Variants in ENPP2 observed in about 807,000 individuals in gnomAD.
The protein encoded by ENPP2 is ectonucleotide pyrophosphatase/phosphodiesterase 2.
In ENPP2, 51 loss-of-function variants were observed where a neutral mutation model predicts 120.2. The ratio of observed to expected loss-of-function variants is 0.42; its 90% CI spans 0.34 to 0.54. ENPP2 has a LOEUF of 0.54. ENPP2 is among the 20% of genes least tolerant of loss of function. The pLI is 0.04. For missense variants in ENPP2, 920 were observed against 1,066.5 expected (o/e 0.86, Z 1.91); for synonymous variants, 365 against 366.4 (o/e 1.00, Z 0.04).
intron 24 of ENPP2, among the ~76,000 whole-genome samples, chr8:119,561,340 C>T (rs545775206): frequency 2.0e-5 from 3 of 152,284 alleles, no homozygotes; most frequent in African/African-American, 7.2e-5. Flanking sequence ...TGTGGGCTGC[C>T]TAGGAATAGT....
At chr8:119,655,777 T>C (rs1011262862) in intron 1 of ENPP2, among the ~76,000 whole-genome samples, 5 of 152,208 alleles carry the variant, frequency 3.3e-5, no homozygotes, top group African/African-American at 1.2e-4. Flanking sequence ...CAAATTTACA[T>C]ACCTAGCACG....
At chr8:119,619,432 AT>A (rs1357260663) in intron 4 of ENPP2, 128 bp from the exon 5 acceptor site, 10 of 576,568 alleles carry the variant, frequency 1.7e-5, no homozygotes, top group Admixed American at 1.4e-4. Flanking sequence ...AAAAAAAAAA[AT>A]TCTGAAAAAA....
chr8:119,571,992 G>A (rs1815032403), intron 19 of ENPP2: 1 of 540,262 alleles, frequency 1.9e-6, no homozygotes, highest in East Asian at 3.0e-5. Context: ...CTCCAGCATT[G>A]CAGTAAATGT....
chr8:119,608,704 T>G (rs996105833), intron 8 of ENPP2, among the ~76,000 whole-genome samples: 2 of 151,324 alleles, frequency 1.3e-5, no homozygotes, highest in African/African-American at 4.8e-5. Flanking sequence ...AGCCATGTAG[T>G]CCTTTGGCAA....
intron 12 of ENPP2, among the ~76,000 whole-genome samples, chr8:119,591,980 T>A (rs75489964): frequency 6.6e-6 from 1 of 152,166 alleles, no homozygotes; most frequent in Non-Finnish European, 1.5e-5. Context: ...TTGAAGTCCA[T>A]CAGGCACTAT....
intron 9 of ENPP2, among the ~76,000 whole-genome samples, chr8:119,604,084 G>GT (rs1356666376): frequency 1.3e-5 from 2 of 150,072 alleles, no homozygotes; most frequent in Non-Finnish European, 3.0e-5. Context: ...CTGGAGTGCA[G>GT]TGACACAATC....
At chr8:119,656,067 A>C (rs1817758168) in intron 1 of ENPP2, among the ~76,000 whole-genome samples, 1 of 152,198 alleles carries the variant, frequency 6.6e-6, no homozygotes, top group East Asian at 1.9e-4. Context: ...TGACTGGTGC[A>C]GCTGGTTTTG....
At chr8:119,628,771 C>A (rs181590148) in intron 2 of ENPP2, among the ~76,000 whole-genome samples, 1 of 152,024 alleles carries the variant, frequency 6.6e-6, no homozygotes, top group Admixed American at 6.6e-5. Flanking sequence ...AAACTAGAGA[C>A]GAGTGAGAGA....
intron 2 of ENPP2, among the ~76,000 whole-genome samples, chr8:119,634,246 T>C (rs1300085977): frequency 1.3e-5 from 2 of 151,662 alleles, no homozygotes; most frequent in Admixed American, 6.6e-5. Flanking sequence ...AATGTCCTCA[T>C]ATAGAGCTCA....
intron 3 of ENPP2, among the ~76,000 whole-genome samples, chr8:119,624,675 C>T (rs1228950920): frequency 5.3e-5 from 8 of 152,074 alleles, no homozygotes; most frequent in Admixed American, 1.3e-4. Flanking sequence ...ATTACATAGC[C>T]ATTCAAAAGG....
chr8:119,581,688 C>T (rs764066087), intron 18 of ENPP2, among the ~76,000 whole-genome samples: 17 of 152,134 alleles, frequency 1.1e-4, no homozygotes, highest in Non-Finnish European at 2.1e-4. Flanking sequence ...TTCCATCCAC[C>T]CTGCTCAGCC....
At chr8:119,628,429 T>A (rs1262265721) in intron 2 of ENPP2, among the ~76,000 whole-genome samples, 3 of 152,204 alleles carry the variant, frequency 2.0e-5, no homozygotes, top group Non-Finnish European at 4.4e-5. Flanking sequence ...TTTGCCAAGC[T>A]ACATGTACAA....
chr8:119,651,200 T>C (rs972489969), intron 1 of ENPP2, among the ~76,000 whole-genome samples: 5 of 152,074 alleles, frequency 3.3e-5, no homozygotes, highest in African/African-American at 1.2e-4. Flanking sequence ...GGGAAGGGCA[T>C]TGCAAGCAGA....
Position 119,659,320 on chromosome 8 carries a change from TAAA to T in ENPP2, c.21+13929_21+13931del, listed in dbSNP as rs750701293. ...CTACAGGACAAGACTCTGTCTCAAT[TAAA>T]AAAAAAAAAAAAAACCAGAGTTCTT... On this transcript the variant is annotated intron_variant, in intron 1 of 25. Coordinates refer to the ENPP2 transcript ENST00000427067. Among the ~76,000 whole-genome samples the T allele has an allele frequency of 4.4e-3, 287 of 64,898 alleles. 11 individuals carry two copies. Among genetic ancestry groups the T allele is most frequent in the South Asian group, 0.025 (30 of 1,182 alleles). The allele number at this position is 64,898 out of a possible 152,430, so 42.6% of individuals were successfully genotyped here. A position where few individuals can be genotyped will look rare whatever the true frequency, so the allele number is the denominator to read the frequency against.
At chr8:119,581,517 T>C (rs944514661) in intron 18 of ENPP2, among the ~76,000 whole-genome samples, 4 of 152,110 alleles carry the variant, frequency 2.6e-5, no homozygotes, top group African/African-American at 9.7e-5. Flanking sequence ...GAGTGCTCCC[T>C]GCTGGGTTGC....
chr8:119,668,725 C>A (rs902626298), intron 1 of ENPP2, among the ~76,000 whole-genome samples: 1 of 152,162 alleles, frequency 6.6e-6, no homozygotes, highest in Non-Finnish European at 1.5e-5. Context: ...CTGCACCCAG[C>A]CTCTAGACTT....
At chr8:119,663,894 A>G (rs923946842) in intron 1 of ENPP2, among the ~76,000 whole-genome samples, 3 of 152,210 alleles carry the variant, frequency 2.0e-5, no homozygotes, top group Admixed American at 1.3e-4. Context: ...TTAATGATGG[A>G]AAAACTCGAA....
In ENPP2 at chr8:119,616,320, G is replaced by A; in HGVS notation, c.722C>T (p.Thr241Ile). The A allele has an allele frequency of 6.2e-7, 1 of 1,609,474 alleles. No homozygotes were observed. Among genetic ancestry groups the A allele is most frequent in the South Asian group, 1.1e-5 (1 of 90,672 alleles). The change falls in exon 8 of 25, where the codon ACT becomes ATT. Residue 241 changes from threonine to isoleucine, a missense_variant. By Grantham distance (89) the Thr-to-Ile change is moderately conservative. Transcript: ENST00000075322. The stretch of plus-strand genomic sequence containing the variant: ...TTTCTCTCGCCCTCGCAGATGAAAA[G>A]TGGCATCAAATACAGGATCATACAT... ...NSMYDPVFDATFHLRGREKFN... is the reference protein window; with the variant it reads ...NSMYDPVFDAIFHLRGREKFN...
intron 17 of ENPP2, among the ~76,000 whole-genome samples, chr8:119,583,187 C>A (rs1015095254): frequency 6.6e-6 from 1 of 152,114 alleles, no homozygotes; most frequent in Non-Finnish European, 1.5e-5. Context: ...GGACAGCTAG[C>A]AGCCAAGATG....
Sources: allele counts gnomAD v4.1 joint callset (sites outside exome capture counted in the v4.1 genomes callset), GRCh38; gene constraint gnomAD v4.1.1; transcripts MANE v1.5; gene names NCBI Gene and HGNC (gene_info 2026-07-23, HGNC 2026-07-21).